The following WWP2 variants were observed in gnomAD, a reference collection of about 807,000 sequenced individuals.
The protein encoded by WWP2 is WW domain containing E3 ubiquitin protein ligase 2.
A neutral mutation model predicts 121.0 loss-of-function variants in WWP2; 57 were observed. That is an observed-to-expected ratio of 0.47 (90% CI 0.38 to 0.59). The LOEUF (loss-of-function observed/expected upper bound fraction) is 0.59, where lower values mean the gene tolerates loss of function less well. Ranked by LOEUF, WWP2 falls within the 20% of genes least tolerant of loss-of-function variation. The pLI is 0.00. For synonymous variants in WWP2, 449 were observed against 441.3 expected (o/e 1.02, Z -0.22); for missense variants, 962 against 1,158.9 (o/e 0.83, Z 2.47).
intron 4 of WWP2, among the ~76,000 whole-genome samples, chr16:69,836,415 C>T (rs1160410998): frequency 6.6e-6 from 1 of 151,808 alleles, no homozygotes; most frequent in East Asian, 1.9e-4. Flanking sequence ...TTTAATGTTT[C>T]TCTATCCCCC....
intron 4 of WWP2, among the ~76,000 whole-genome samples, chr16:69,814,780 C>T (rs1310711697): frequency 2.6e-5 from 4 of 152,012 alleles, no homozygotes; most frequent in African/African-American, 7.2e-5. Flanking sequence ...GTGGATGGGC[C>T]GTGGGTCTTG....
intron 9 of WWP2, 145 bp from the exon 10 acceptor site, chr16:69,917,561 AACC>A: frequency 1.2e-6 from 1 of 840,170 alleles, no homozygotes; most frequent in Non-Finnish European, 1.8e-6. Flanking sequence ...CTGCAGAGGC[AACC>A]ACAGATGTCT....
chr16:69,924,504 AC>A (rs202107837), intron 10 of WWP2, among the ~76,000 whole-genome samples: 2,524 of 151,608 alleles, frequency 0.017, 59 homozygotes, highest in African/African-American at 0.057. Context: ...TTTTGACAAC[AC>A]CCCCCTTCCC....
chr16:69,843,140 C>T (rs1191674041), intron 6 of WWP2, among the ~76,000 whole-genome samples: 1 of 152,054 alleles, frequency 6.6e-6, no homozygotes, highest in Admixed American at 6.6e-5. Flanking sequence ...AGTTATTCTT[C>T]CAGGATACAC....
chr16:69,777,163 CAT>C (rs1278089408), intron 1 of WWP2, among the ~76,000 whole-genome samples: 18 of 151,228 alleles, frequency 1.2e-4, no homozygotes, highest in Admixed American at 6.6e-4. Context: ...ATACAATACA[CAT>C]ATGGATATAC....
intron 2 of WWP2, among the ~76,000 whole-genome samples, chr16:69,796,028 T>C (rs1353901565): frequency 6.6e-6 from 1 of 151,908 alleles, no homozygotes; most frequent in African/African-American, 2.4e-5. Context: ...TTCTTTTTTT[T>C]TTTGCGATGA....
At chr16:69,931,916 GC>G (rs1567441962) in intron 16 of WWP2, 26 bp downstream of exon 16, 2 of 1,600,018 alleles carry the variant, frequency 1.2e-6, no homozygotes, top group Non-Finnish European at 8.5e-7. Flanking sequence ...CCGGAAGGCT[GC>G]CCTGTACCCC....
At chr16:69,902,306 G>A (rs554848024) in intron 8 of WWP2, among the ~76,000 whole-genome samples, 3 of 152,186 alleles carry the variant, frequency 2.0e-5, no homozygotes, top group Non-Finnish European at 4.4e-5. Context: ...GGATTGGGAC[G>A]TAGGGTTGGA....
chr16:69,875,040 G>A (rs2057711444), intron 7 of WWP2, among the ~76,000 whole-genome samples: 3 of 151,090 alleles, frequency 2.0e-5, no homozygotes, highest in Non-Finnish European at 2.9e-5. Flanking sequence ...AAAAATTACA[G>A]CAAAAGTATA....
intron 9 of WWP2, among the ~76,000 whole-genome samples, chr16:69,913,366 G>T (rs1474176241): frequency 6.6e-6 from 1 of 151,990 alleles, no homozygotes; most frequent in Non-Finnish European, 1.5e-5. Context: ...GCTGAGTGTG[G>T]TGGTGTATGC....
chr16:69,890,456 A>G (rs1181268392), intron 8 of WWP2, among the ~76,000 whole-genome samples: 2 of 152,132 alleles, frequency 1.3e-5, no homozygotes, highest in Non-Finnish European at 2.9e-5. Context: ...GCTACTCCCT[A>G]TAGAGATATT....
At chr16:69,836,257 T>G (rs542415709) in intron 4 of WWP2, among the ~76,000 whole-genome samples, 1 of 152,072 alleles carries the variant, frequency 6.6e-6, no homozygotes, top group South Asian at 2.1e-4. Context: ...ATTTGTTGGT[T>G]TTCTTTAGAT....
intron 6 of WWP2, among the ~76,000 whole-genome samples, chr16:69,846,457 C>T (rs930284421): frequency 5.3e-5 from 8 of 152,246 alleles, no homozygotes; most frequent in African/African-American, 1.7e-4. Flanking sequence ...TGGTGGCTCA[C>T]GCCTGTAATC....
chr16:69,863,606 A>T (rs1003225332), intron 6 of WWP2, among the ~76,000 whole-genome samples: 1 of 152,078 alleles, frequency 6.6e-6, no homozygotes, highest in Non-Finnish European at 1.5e-5. Flanking sequence ...GCGCCACTTC[A>T]CTCCAGCCTG....
At position 69,908,831 on chromosome 16, in the gene WWP2, G is replaced by A; in HGVS notation, c.985G>A (p.Glu329Lys). ...CCACAATACCAAGACCACCACCTGG[G>A]AGCGGCCCCTTCCTCCAGGGTAGGT... ...VDHNTKTTTWERPLPPGWEKR... is the reference protein window; with the variant it reads ...VDHNTKTTTWKRPLPPGWEKR... The change falls in exon 9 of 24, where the codon GAG becomes AAG. Residue 329 changes from glutamate (E) to lysine (K), a missense_variant. By Grantham distance (56) the Glu-to-Lys change is moderately conservative. Transcript: ENST00000359154. 1 of 1,614,198 alleles carries A rather than the reference G, an allele frequency of 6.2e-7. No individual in the cohort carries two copies.
chr16:69,924,516 C>T (rs184845067), intron 10 of WWP2, among the ~76,000 whole-genome samples: 2 of 152,258 alleles, frequency 1.3e-5, no homozygotes, highest in Non-Finnish European at 2.9e-5. Flanking sequence ...CCCCCTTCCC[C>T]GCAGGATATG....
chr16:69,844,065 C>T (rs2057025870), intron 6 of WWP2, among the ~76,000 whole-genome samples: 2 of 152,070 alleles, frequency 1.3e-5, no homozygotes, highest in South Asian at 4.1e-4. Context: ...ACAAGATGGA[C>T]GTTTGGATCT....
intron 4 of WWP2, among the ~76,000 whole-genome samples, chr16:69,832,067 G>A (rs1309727045): frequency 1.3e-5 from 2 of 152,068 alleles, no homozygotes; most frequent in African/African-American, 4.8e-5. Flanking sequence ...GAGCTCAAGC[G>A]AACCATCTGC....
At chr16:69,921,819 A>G (rs985042957) in intron 10 of WWP2, among the ~76,000 whole-genome samples, 1 of 152,140 alleles carries the variant, frequency 6.6e-6, no homozygotes, top group African/African-American at 2.4e-5. Context: ...CACGCCTGTA[A>G]TCCCAGCACT....
Sources: allele counts gnomAD v4.1 joint callset (sites outside exome capture counted in the v4.1 genomes callset), GRCh38; gene constraint gnomAD v4.1.1; transcripts MANE v1.5; gene names NCBI Gene and HGNC (gene_info 2026-07-23, HGNC 2026-07-21).